DNAH11: variants seen among roughly 807,000 people sequenced by gnomAD.
DNAH11 encodes the protein axonemal beta dynein heavy chain 11.
In DNAH11, 442 loss-of-function variants were observed where a neutral mutation model predicts 526.0. The observed-to-expected ratio is 0.84, with a 90% confidence interval of 0.78 to 0.91. DNAH11 has a LOEUF of 0.91. DNAH11 is among the 40% of genes least tolerant of loss of function. DNAH11 has a pLI of 0.00. For synonymous variants in DNAH11, 2,461 were observed against 1,935.9 expected, an observed-to-expected ratio of 1.27 and a Z score of -7.12; for missense variants, 6,989 against 5,448.7, an observed-to-expected ratio of 1.28 and a Z score of -8.90.
At chr7:21,857,376 A>G (rs1235688286) in intron 68 of DNAH11, among the ~76,000 whole-genome samples, 2 of 152,204 alleles carry the variant, frequency 1.3e-5, no homozygotes, top group Admixed American at 6.5e-5. Flanking sequence ...TATTGTTAAG[A>G]TGTCAGTTCG....
intron 8 of DNAH11, among the ~76,000 whole-genome samples, chr7:21,575,363 G>T (rs1016554796): frequency 6.6e-6 from 1 of 152,164 alleles, no homozygotes; most frequent in African/African-American, 2.4e-5. Context: ...CAGGTGCCTT[G>T]TTCACCATGA....
intron 54 of DNAH11, among the ~76,000 whole-genome samples, chr7:21,763,353 A>AAAAAAAAAG (rs66803559): frequency 1.1e-4 from 6 of 56,964 alleles, no homozygotes; most frequent in South Asian, 1.2e-3. Context: ...AAAAAAAAAA[A>AAAAAAAAAG]AAAGAAAAAA....
chr7:21,729,228 A>G (rs1388754858), intron 45 of DNAH11, among the ~76,000 whole-genome samples: 1 of 152,218 alleles, frequency 6.6e-6, no homozygotes, highest in Non-Finnish European at 1.5e-5. Context: ...GAATCTAAGA[A>G]GTCTTACCAT....
intron 65 of DNAH11, among the ~76,000 whole-genome samples, chr7:21,819,898 C>T (rs1789982247): frequency 6.6e-6 from 1 of 152,056 alleles, no homozygotes; most frequent in African/African-American, 2.4e-5. Flanking sequence ...CTCTGTTAAG[C>T]CTTGATGAAT....
intron 46 of DNAH11, among the ~76,000 whole-genome samples, chr7:21,737,267 A>G (rs894458807): frequency 3.9e-5 from 6 of 152,248 alleles, no homozygotes; most frequent in African/African-American, 1.4e-4. Flanking sequence ...GGTGCAAGAT[A>G]TGGAAAAGGC....
chr7:21,894,682 G>A lies in DNAH11; in HGVS notation c.12810G>A (p.Glu4270=), dbSNP rs1235238365. 3 of 1,613,906 alleles carry A rather than the reference G, an allele frequency of 1.9e-6. No individual in the cohort carries two copies. Among genetic ancestry groups the A allele is most frequent in the Non-Finnish European group, 2.5e-6 (3 of 1,179,868 alleles). Residue 4270 remains glutamate (E), a synonymous_variant, in exon 78 of 82, where the codon GAG becomes GAA. Coordinates refer to ENST00000409508, the MANE Select transcript of DNAH11 (RefSeq NM_001277115.2). ...TTCCAGAAGAGTTCAACATGGCAGA[G>A]ATAATGCAAAAAAATTCAAATAGAA... ...EKLPEEFNMA[E]IMQKNSNRSP... is the part of the protein sequence containing the mutation.
In DNAH11 at chr7:21,868,976, C is replaced by A. The variant is rs1368615388; in HGVS notation, c.11952C>A (p.His3984Gln). 7 of 1,613,962 alleles carry A rather than the reference C, an allele frequency of 4.3e-6. No individual in the cohort carries two copies. In the South Asian group the frequency reaches 7.7e-5, roughly 18 times the overall value. Residue 3984 changes from histidine to glutamine, a missense_variant, in exon 73 of 82, where the codon CAC becomes CAA. His to Gln is a conservative substitution (Grantham distance 24, BLOSUM62 0). Transcript: ENST00000409508. ...TGGAGAAAGCTTCCAAAGGAGGACA[C>A]TGGGTCATCCTCCAAGTGAGTATTA... ...VALEKASKGG[H>Q]WVILQNVHLV...
At position 21,739,555 on chromosome 7, in the gene DNAH11, G is replaced by C. The variant is rs772861309; in HGVS notation, c.7812-16G>C. On this transcript the variant is annotated splice_polypyrimidine_tract_variant and intron_variant, in intron 47 of 81. Transcript: ENST00000409508. ...CTCCAGTTTTTGGATTTAAGGTTCT[G>C]TTTTCTGTCTTTCAGGTATGATAGA... The C allele has an allele frequency of 6.2e-7, 1 of 1,603,996 alleles. No homozygotes were observed. Among genetic ancestry groups the C allele is most frequent in the Non-Finnish European group, 8.5e-7 (1 of 1,175,158 alleles).
chr7:21,878,581 T>C lies in DNAH11; in HGVS notation c.12196-2121T>C, dbSNP rs141423679. 5.4e-3 allele frequency among the ~76,000 whole-genome samples: 817 copies of C among 152,300 alleles called. 3 individuals carry two copies. The highest frequency in any genetic ancestry group is 8.3e-3 in the Non-Finnish European group (566 of 68,032). Reference sequence around the variant, plus strand: ...TGTGGAAAAGTTATTTTTTAATGATTGTATATTTCCAAGCCCCATAAATGA... The same window carrying C: ...TGTGGAAAAGTTATTTTTTAATGATCGTATATTTCCAAGCCCCATAAATGA... On this transcript the variant is annotated intron_variant, in intron 74 of 81. Transcript: ENST00000409508.
rs563872393 is a variant in DNAH11, at chr7:21,595,821, A to G, written c.2668-3966A>G. Among the ~76,000 whole-genome samples, 38 of 152,132 alleles carry G rather than the reference A, an allele frequency of 2.5e-4. No individual in the cohort carries two copies. The South Asian group carries it at 7.9e-3, about 32-fold the overall frequency. On this transcript the variant is annotated intron_variant, in intron 14 of 81. Transcript: ENST00000409508. ...TCACCGAGAACATGAGTTTAGCTAGAGAATAGAAGAAAATCAAGGACTGTT... is the reference window on the plus strand; with the variant it reads ...TCACCGAGAACATGAGTTTAGCTAGGGAATAGAAGAAAATCAAGGACTGTT...
chr7:21,704,420 GTT>G lies in DNAH11; in HGVS notation c.6274-6_6274-5del. ...CCTTGTATTGGCTTTTTTATAAAATGTTTTTTTTTCTAGGTACTCATGAGAGC... is the reference window on the plus strand; with the variant it reads ...CCTTGTATTGGCTTTTTTATAAAATGTTTTTTTCTAGGTACTCATGAGAGC... On this transcript the variant is annotated splice_polypyrimidine_tract_variant and intron_variant, in intron 37 of 81. Coordinates refer to ENST00000409508, the MANE Select transcript of DNAH11 (RefSeq NM_001277115.2). The G allele has an allele frequency of 6.3e-7, 1 of 1,583,144 alleles. No individual in the cohort carries two copies. The highest frequency in any genetic ancestry group is 8.6e-7 in the Non-Finnish European group (1 of 1,160,452).
chr7:21,895,394 A>G (rs1784473999), intron 79 of DNAH11, among the ~76,000 whole-genome samples: 1 of 152,184 alleles, frequency 6.6e-6, no homozygotes. Context: ...CAAGCCTGAG[A>G]TTCCTCTGCC....
At chr7:21,775,197 T>G (rs1787620936) in intron 56 of DNAH11, among the ~76,000 whole-genome samples, 1 of 152,112 alleles carries the variant, frequency 6.6e-6, no homozygotes, top group African/African-American at 2.4e-5. Context: ...GGACCACAAT[T>G]AGGAAAGAGA....
intron 65 of DNAH11, among the ~76,000 whole-genome samples, chr7:21,837,381 A>C (rs1782034958): frequency 6.6e-6 from 1 of 152,228 alleles, no homozygotes; most frequent in African/African-American, 2.4e-5. Context: ...TACACAATGG[A>C]ATACTACTCA....
intron 75 of DNAH11, among the ~76,000 whole-genome samples, chr7:21,882,274 G>T (rs147593011): frequency 6.6e-6 from 1 of 152,320 alleles, no homozygotes; most frequent in African/African-American, 2.4e-5. Flanking sequence ...GAGTCACACT[G>T]TGTCCTGCTT....
chr7:21,643,656 G>A (rs1038935667), intron 28 of DNAH11, among the ~76,000 whole-genome samples: 3 of 152,136 alleles, frequency 2.0e-5, no homozygotes, highest in African/African-American at 4.8e-5. Flanking sequence ...AAAACATTGC[G>A]TGTTTGAAAC....
intron 54 of DNAH11, among the ~76,000 whole-genome samples, chr7:21,750,692 A>C (rs764035): frequency 0.025 from 3,799 of 152,302 alleles, 59 homozygotes; most frequent in East Asian, 0.087. Flanking sequence ...GTGGGATTGC[A>C]GAGGAGCGCA....
In DNAH11 at chr7:21,899,349, C is replaced by T; in HGVS notation, c.13063C>T (p.Leu4355Phe). The T allele has an allele frequency of 6.2e-7, 1 of 1,613,972 alleles. No homozygotes were observed. The highest frequency in any genetic ancestry group is 8.5e-7 in the Non-Finnish European group (1 of 1,179,856). Reference sequence around the variant, plus strand: ...CCCATAAACCAGGTTCAATGACCTCCTCCTGCGATGCCGAGAACTCGATAC... The same window carrying T: ...CCCATAAACCAGGTTCAATGACCTCTTCCTGCGATGCCGAGAACTCGATAC... Reference protein sequence around the residue: ...YGLAQWFNDLLLRCRELDTWT... With the variant: ...YGLAQWFNDLFLRCRELDTWT... Residue 4355 changes from leucine (L) to phenylalanine (F), a missense_variant, in exon 80 of 82, where the codon CTC becomes TTC. Physicochemically the swap from Leu to Phe is conservative, Grantham distance 22 (BLOSUM62 0). Coordinates refer to ENST00000409508, the MANE Select transcript of DNAH11 (RefSeq NM_001277115.2).
At chr7:21,807,441 A>G (rs987446556) in intron 62 of DNAH11, among the ~76,000 whole-genome samples, 3 of 152,204 alleles carry the variant, frequency 2.0e-5, no homozygotes, top group African/African-American at 7.2e-5. Flanking sequence ...AAAAGTTGCA[A>G]TGAGCCAAGA....
Sources: allele counts gnomAD v4.1 joint callset (sites outside exome capture counted in the v4.1 genomes callset), GRCh38; gene constraint gnomAD v4.1.1; transcripts MANE v1.5; gene names NCBI Gene and HGNC (gene_info 2026-07-23, HGNC 2026-07-21).